Variants in EPHA7 observed in about 807,000 individuals in gnomAD.
The protein encoded by EPHA7 is EPH receptor A7.
A neutral mutation model predicts 112.6 loss-of-function variants in EPHA7; 25 were observed. That is an observed-to-expected ratio of 0.22 (90% CI 0.16 to 0.31). The LOEUF (loss-of-function observed/expected upper bound fraction) is 0.31. Ranked by LOEUF, EPHA7 falls within the 10% of genes least tolerant of loss-of-function variation. The pLI is 1.00. For missense variants in EPHA7, 962 were observed against 1,212.6 expected (o/e 0.79, Z 3.07); for synonymous variants, 437 against 406.5 (o/e 1.07, Z -0.90).
At chr6:93,290,930 C>CA (rs1227795642) in intron 5 of EPHA7, among the ~76,000 whole-genome samples, 7 of 151,996 alleles carry the variant, frequency 4.6e-5, no homozygotes, top group African/African-American at 1.7e-4. Flanking sequence ...ATAAAGCAAA[C>CA]AAAAAATACA....
rs71542009 is a variant in EPHA7, at chr6:93,311,114, A to ATTTTTTTTTTTTTTTTTTTTTT, written c.1325-38714_1325-38693dup. ...ACAGGCATGTGCATCATGCCCAGCTATTTTTTTTTTTTTTTTTTTTTTTTT... is the reference window on the plus strand; with the variant it reads ...ACAGGCATGTGCATCATGCCCAGCTATTTTTTTTTTTTTTTTTTTTTTTTTTTTTTTTTTTTTTTTTTTTTTT... On this transcript the variant is annotated intron_variant, in intron 5 of 16. Coordinates refer to ENST00000369303, the MANE Select transcript of EPHA7 (RefSeq NM_004440.4). 2.8e-4 allele frequency among the ~76,000 whole-genome samples: 22 copies of ATTTTTTTTTTTTTTTTTTTTTT among 78,506 alleles called. 2 individuals carry two copies. The highest frequency in any genetic ancestry group is 5.9e-4 in the African/African-American group (10 of 17,022). The allele number at this position is 78,506 out of a possible 152,430, so 51.5% of individuals were successfully genotyped here.
chr6:93,323,974 T>C (rs937342068), intron 5 of EPHA7, among the ~76,000 whole-genome samples: 2 of 151,502 alleles, frequency 1.3e-5, no homozygotes, highest in Non-Finnish European at 3.0e-5. Context: ...AATACAAAAC[T>C]ACCTCCAAGT....
chr6:93,246,708 C>T (rs559021770), intron 15 of EPHA7, 84 bp downstream of exon 15: 88 of 1,153,016 alleles, frequency 7.6e-5, no homozygotes, highest in Non-Finnish European at 9.8e-6. Context: ...AGTCAATTTG[C>T]CATTGTGGTG....
intron 3 of EPHA7, among the ~76,000 whole-genome samples, chr6:93,397,269 A>C (rs1401908279): frequency 6.6e-6 from 1 of 151,876 alleles, no homozygotes; most frequent in African/African-American, 2.4e-5. Flanking sequence ...TAGTTTTTCA[A>C]GAAAAGTTCC....
intron 3 of EPHA7, among the ~76,000 whole-genome samples, chr6:93,382,669 C>A (rs542553606): frequency 1.3e-5 from 2 of 152,136 alleles, no homozygotes; most frequent in African/African-American, 2.4e-5. Flanking sequence ...GTTTACTGAA[C>A]GAGGTTTTTT....
At chr6:93,391,839 T>G (rs2127981586) in intron 3 of EPHA7, among the ~76,000 whole-genome samples, 1 of 151,452 alleles carries the variant, frequency 6.6e-6, no homozygotes, top group African/African-American at 2.4e-5. Flanking sequence ...TCCAATTACC[T>G]AAAAATAGAA....
intron 8 of EPHA7, 127 bp from the exon 9 acceptor site, chr6:93,264,042 T>TTTAGTAATAATATAGCGATTCAG: frequency 1.8e-6 from 1 of 560,740 alleles, no homozygotes; most frequent in Non-Finnish European, 3.0e-6. Context: ...TATGAATCCA[T>TTTAGTAATAATATAGCGATTCAG]TTAGTAATAA....
At chr6:93,393,342 A>C (rs1778001009) in intron 3 of EPHA7, among the ~76,000 whole-genome samples, 2 of 151,896 alleles carry the variant, frequency 1.3e-5, no homozygotes, top group African/African-American at 4.8e-5. Context: ...ATGTAAATAC[A>C]GTACCTAAAT....
At chr6:93,245,707 C>T (rs943717916) in intron 15 of EPHA7, among the ~76,000 whole-genome samples, 1 of 152,136 alleles carries the variant, frequency 6.6e-6, no homozygotes, top group African/African-American at 2.4e-5. Context: ...AAAAGTACAG[C>T]CAACAATATT....
At chr6:93,258,545 G>C (rs1194621976) in intron 10 of EPHA7, among the ~76,000 whole-genome samples, 1 of 148,964 alleles carries the variant, frequency 6.7e-6, no homozygotes, top group Non-Finnish European at 1.5e-5. Context: ...ATACAGTTCA[G>C]AGCTCTTTCA....
intron 5 of EPHA7, among the ~76,000 whole-genome samples, chr6:93,311,926 G>A (rs1269480254): frequency 6.6e-6 from 1 of 152,138 alleles, no homozygotes; most frequent in Non-Finnish European, 1.5e-5. Context: ...GTAACCAGGT[G>A]CATTGCCAAT....
chr6:93,405,474 T>C (rs1778648551), intron 3 of EPHA7, among the ~76,000 whole-genome samples: 1 of 151,826 alleles, frequency 6.6e-6, no homozygotes, highest in African/African-American at 2.4e-5. Flanking sequence ...AGATACATGT[T>C]CATTTGTTCA....
At chr6:93,356,504 A>G (rs1267908863) in intron 5 of EPHA7, among the ~76,000 whole-genome samples, 4 of 152,028 alleles carry the variant, frequency 2.6e-5, no homozygotes, top group African/African-American at 9.7e-5. Context: ...CGCCTGGCCA[A>G]TTTTATCTCC....
At chr6:93,397,035 T>C (rs1467567311) in intron 3 of EPHA7, among the ~76,000 whole-genome samples, 2 of 151,750 alleles carry the variant, frequency 1.3e-5, no homozygotes, top group Non-Finnish European at 2.9e-5. Flanking sequence ...GAGAACATTA[T>C]CAAATTATAG....
At chr6:93,418,392 CT>C (rs1259786636) in intron 1 of EPHA7, among the ~76,000 whole-genome samples, 1 of 152,236 alleles carries the variant, frequency 6.6e-6, no homozygotes, top group Non-Finnish European at 1.5e-5. Flanking sequence ...GGGTTCAGGT[CT>C]TTGGCAAGGA....
chr6:93,404,416 T>C (rs185881893), intron 3 of EPHA7, among the ~76,000 whole-genome samples: 174 of 152,086 alleles, frequency 1.1e-3, no homozygotes, highest in African/African-American at 3.9e-3. Context: ...TATAAAGACA[T>C]GATCCAGGGT....
chr6:93,309,311 A>G (rs1354232339), intron 5 of EPHA7, among the ~76,000 whole-genome samples: 1 of 152,240 alleles, frequency 6.6e-6, no homozygotes, highest in Non-Finnish European at 1.5e-5. Flanking sequence ...GCATATAAAT[A>G]AGACTTTATT....
At chr6:93,267,688 T>C (rs1771011490) in intron 7 of EPHA7, among the ~76,000 whole-genome samples, 1 of 151,786 alleles carries the variant, frequency 6.6e-6, no homozygotes, top group South Asian at 2.1e-4. Context: ...CATGTGATCT[T>C]TCAGGTTCCA....
chr6:93,261,346 G>T (rs1253964939), intron 9 of EPHA7, among the ~76,000 whole-genome samples: 1 of 151,484 alleles, frequency 6.6e-6, no homozygotes, highest in Non-Finnish European at 1.5e-5. Context: ...ATTCAATCTG[G>T]TGTTCTAGCA....
Sources: allele counts gnomAD v4.1 joint callset (sites outside exome capture counted in the v4.1 genomes callset), GRCh38; gene constraint gnomAD v4.1.1; transcripts MANE v1.5; gene names NCBI Gene and HGNC (gene_info 2026-07-23, HGNC 2026-07-21).